Variants in ARHGAP26 observed in about 807,000 individuals in gnomAD.
The protein encoded by ARHGAP26 is Rho GTPase activating protein 26.
A neutral mutation model predicts 104.8 loss-of-function variants in ARHGAP26; 38 were observed. That is an observed-to-expected ratio of 0.36 (90% confidence interval 0.28 to 0.48). The LOEUF (loss-of-function observed/expected upper bound fraction) is 0.48. Ranked by LOEUF, ARHGAP26 falls within the 20% of genes least tolerant of loss-of-function variation. ARHGAP26 has a pLI of 0.99. For synonymous variants in ARHGAP26, 341 were observed against 340.0 expected (o/e 1.00, Z -0.03); for missense variants, 704 against 947.9 (o/e 0.74, Z 3.38).
At chr5:143,097,360 G>GAAAAAAAA (rs56116431) in intron 17 of ARHGAP26, among the ~76,000 whole-genome samples, 16 of 63,264 alleles carry the variant, frequency 2.5e-4, no homozygotes, top group East Asian at 8.3e-4. Flanking sequence ...TCAAAAAAAA[G>GAAAAAAAA]AAAAAAAAAA....
intron 11 of ARHGAP26, among the ~76,000 whole-genome samples, chr5:142,950,940 A>C (rs1481673321): frequency 6.6e-6 from 1 of 151,998 alleles, no homozygotes; most frequent in Non-Finnish European, 1.5e-5. Context: ...AGAAGTGAGA[A>C]TAAGACCTTT....
At chr5:142,960,617 AG>A (rs1300371432) in intron 11 of ARHGAP26, among the ~76,000 whole-genome samples, 10 of 152,186 alleles carry the variant, frequency 6.6e-5, no homozygotes, top group African/African-American at 2.4e-4. Context: ...TCTTGTTATG[AG>A]GGGAGACTAC....
At chr5:142,863,649 G>C (rs1384076780) in intron 1 of ARHGAP26, among the ~76,000 whole-genome samples, 1 of 152,210 alleles carries the variant, frequency 6.6e-6, no homozygotes, top group African/African-American at 2.4e-5. Context: ...TTCTCTGTCA[G>C]GGTCTTGAGT....
At chr5:142,870,508 T>C (rs2152345595) in intron 1 of ARHGAP26, among the ~76,000 whole-genome samples, 1 of 152,326 alleles carries the variant, frequency 6.6e-6, no homozygotes, top group African/African-American at 2.4e-5. Flanking sequence ...GTCCTCTCCT[T>C]AGTGGCCTTG....
intron 5 of ARHGAP26, among the ~76,000 whole-genome samples, chr5:142,885,887 A>G (rs1470253068): frequency 6.6e-6 from 1 of 152,140 alleles, no homozygotes; most frequent in African/African-American, 2.4e-5. Context: ...ATTTTAAAGC[A>G]GTGCTTTATT....
intron 1 of ARHGAP26, among the ~76,000 whole-genome samples, chr5:142,869,341 G>A (rs1184807962): frequency 1.3e-5 from 2 of 151,488 alleles, no homozygotes; most frequent in East Asian, 3.9e-4. Flanking sequence ...CTGAGTAGCT[G>A]GGATTACAGG....
chr5:143,014,378 T>A, intron 12 of ARHGAP26: 1 of 543,602 alleles, frequency 1.8e-6, no homozygotes, highest in Non-Finnish European at 3.3e-6. Context: ...CATTCTCGTG[T>A]ACATTATCTC....
At chr5:143,219,845 G>A (rs2151428241) in intron 22 of ARHGAP26, among the ~76,000 whole-genome samples, 1 of 152,310 alleles carries the variant, frequency 6.6e-6, no homozygotes. Context: ...GCATCCTGAG[G>A]GTTCCGAAGC....
intron 19 of ARHGAP26, among the ~76,000 whole-genome samples, chr5:143,146,651 C>G (rs1799192076): frequency 6.6e-6 from 1 of 152,220 alleles, no homozygotes; most frequent in Non-Finnish European, 1.5e-5. Flanking sequence ...AGTCAAACAC[C>G]AAGTACATGG....
chr5:142,963,163 G>GA lies in ARHGAP26; in HGVS notation c.1107+31038_1107+31039insA, dbSNP rs1562163912. Among the ~76,000 whole-genome samples the GA allele has an allele frequency of 2.3e-4, 26 of 112,204 alleles. 2 individuals carry two copies. The South Asian group carries it at 4.6e-3, about 20-fold the overall frequency. 73.6% of individuals were successfully genotyped at this position (112,204 alleles called of 152,430 possible). ...TTTTTATGGCTGTGTAGTATTCCAT[G>GA]GTATATATGTATATATATATATATA... is the stretch of plus-strand genomic sequence containing the variant. On this transcript the variant is annotated intron_variant, in intron 11 of 22. Coordinates refer to ENST00000645722, the MANE Select transcript of ARHGAP26 (RefSeq NM_001135608.3).
rs1052086571 is a variant in ARHGAP26, at chr5:142,805,348, C to T, written c.154+34433C>T. Among the ~76,000 whole-genome samples the T allele has an allele frequency of 2.3e-4, 35 of 152,228 alleles. 1 individual carries two copies. Among genetic ancestry groups the T allele is most frequent in the Admixed American group, 2.0e-3 (31 of 15,304 alleles). The stretch of plus-strand genomic sequence containing the variant: ...AAGTCCTGACCGCAGGTGAACCACC[C>T]GTCTTTGCCTCCCAAAGTGCTGGGA... On this transcript the variant is annotated intron_variant, in intron 1 of 22. Transcript: ENST00000645722.
intron 11 of ARHGAP26, among the ~76,000 whole-genome samples, chr5:142,979,964 A>G (rs1012465216): frequency 6.6e-6 from 1 of 152,218 alleles, no homozygotes; most frequent in Non-Finnish European, 1.5e-5. Context: ...TTTCAAGCCA[A>G]ATTTATAAAT....
chr5:143,091,258 C>G (rs1258185392), intron 17 of ARHGAP26, among the ~76,000 whole-genome samples: 2 of 152,148 alleles, frequency 1.3e-5, no homozygotes, highest in African/African-American at 4.8e-5. Context: ...AGGGTCCTTC[C>G]CAGGCTGGCT....
chr5:143,114,010 C>T (rs1795105034), intron 17 of ARHGAP26, among the ~76,000 whole-genome samples: 2 of 152,188 alleles, frequency 1.3e-5, no homozygotes, highest in South Asian at 2.1e-4. Context: ...CAATTACTTA[C>T]CTTCTCAGTG....
intron 1 of ARHGAP26, among the ~76,000 whole-genome samples, chr5:142,842,155 A>G (rs1043377595): frequency 9.9e-5 from 15 of 152,178 alleles, no homozygotes; most frequent in Admixed American, 8.5e-4. Context: ...GGGAAATTTA[A>G]TGGAGAACAC....
chr5:142,844,067 TTTGAGACAGAGTC>T (rs1476839810), intron 1 of ARHGAP26, among the ~76,000 whole-genome samples: 1 of 151,698 alleles, frequency 6.6e-6, no homozygotes, highest in East Asian at 1.9e-4. Context: ...TTTTTTTTTT[TTTGAGACAGAGTC>T]TTGCTCTATT....
At chr5:143,073,996 C>T (rs1006288635) in intron 17 of ARHGAP26, among the ~76,000 whole-genome samples, 1 of 152,102 alleles carries the variant, frequency 6.6e-6, no homozygotes, top group African/African-American at 2.4e-5. Flanking sequence ...CTGCTTTTTG[C>T]TCATTTGCAT....
chr5:142,881,269 T>C (rs1756962838), intron 4 of ARHGAP26, among the ~76,000 whole-genome samples: 1 of 152,168 alleles, frequency 6.6e-6, no homozygotes, highest in Non-Finnish European at 1.5e-5. Context: ...TACTTCTCCT[T>C]CTGAGCACAG....
intron 11 of ARHGAP26, among the ~76,000 whole-genome samples, chr5:142,995,628 G>T (rs1776266055): frequency 6.6e-6 from 1 of 152,198 alleles, no homozygotes; most frequent in African/African-American, 2.4e-5. Flanking sequence ...TCTAGAACCA[G>T]AAATACCATT....
Sources: allele counts gnomAD v4.1 joint callset (sites outside exome capture counted in the v4.1 genomes callset), GRCh38; gene constraint gnomAD v4.1.1; transcripts MANE v1.5; gene names NCBI Gene and HGNC (gene_info 2026-07-23, HGNC 2026-07-21).